Variants in CSGALNACT1 observed in about 807,000 individuals in gnomAD.
The protein encoded by CSGALNACT1 is beta4GalNAcT-1.
In CSGALNACT1, 52 loss-of-function variants were observed where a neutral mutation model predicts 51.0. That is an observed-to-expected ratio of 1.02 (90% confidence interval 0.82 to 1.29). The LOEUF (loss-of-function observed/expected upper bound fraction) is 1.29. CSGALNACT1 is among the 50% of genes most tolerant of loss of function. The pLI, the probability that CSGALNACT1 is intolerant of heterozygous loss-of-function variation, is 0.00. For synonymous variants in CSGALNACT1, 341 were observed against 254.4 expected (o/e 1.34, Z -3.24); for missense variants, 935 against 679.2 (o/e 1.38, Z -4.19).
chr8:19,529,261 T>C (rs1007092823), intron 3 of CSGALNACT1, among the ~76,000 whole-genome samples: 1 of 152,136 alleles, frequency 6.6e-6, no homozygotes, highest in Non-Finnish European at 1.5e-5. Flanking sequence ...TGCAGAAATT[T>C]TTCCAGAAGT....
At chr8:19,464,705 G>A (rs897562140) in intron 4 of CSGALNACT1, among the ~76,000 whole-genome samples, 6 of 152,108 alleles carry the variant, frequency 3.9e-5, no homozygotes, top group Non-Finnish European at 7.3e-5. Context: ...GATGTAGGGC[G>A]TATGCTCCTT....
intron 1 of CSGALNACT1, among the ~76,000 whole-genome samples, chr8:19,744,310 G>A (rs184612245): frequency 3.2e-4 from 48 of 152,300 alleles, no homozygotes; most frequent in African/African-American, 1.0e-3. Flanking sequence ...CTCATGCTCA[G>A]CGGACCACAG....
At chr8:19,563,968 C>T (rs769745414) in intron 3 of CSGALNACT1, among the ~76,000 whole-genome samples, 2 of 152,022 alleles carry the variant, frequency 1.3e-5, no homozygotes, top group African/African-American at 2.4e-5. Flanking sequence ...TGAAGCTGGA[C>T]GTTCTGTCTC....
chr8:19,455,008 C>A (rs997107179), intron 5 of CSGALNACT1, among the ~76,000 whole-genome samples: 1 of 152,124 alleles, frequency 6.6e-6, no homozygotes, highest in Admixed American at 6.5e-5. Context: ...TCATGTTGCA[C>A]TGACTTATTC....
chr8:19,438,400 G>A lies in CSGALNACT1; in HGVS notation c.953+1430C>T, dbSNP rs529087396. Among the ~76,000 whole-genome samples, 28 of 152,300 alleles carry A rather than the reference G, an allele frequency of 1.8e-4. No individual in the cohort carries two copies. In the East Asian group the frequency reaches 3.7e-3, roughly 20 times the overall value. ...TGAATTTATATCATTCATGTTCTTCGTTTCTAAGCAGAGGTGAGAACATTT... is the reference window on the plus strand; with the variant it reads ...TGAATTTATATCATTCATGTTCTTCATTTCTAAGCAGAGGTGAGAACATTT... On this transcript the variant is annotated intron_variant, in intron 6 of 9. Transcript: ENST00000454498.
chr8:19,703,583 G>A (rs2061995729), intron 1 of CSGALNACT1, among the ~76,000 whole-genome samples: 1 of 152,144 alleles, frequency 6.6e-6, no homozygotes, highest in South Asian at 2.1e-4. Flanking sequence ...GATTACCGGT[G>A]GGTGTGAGCC....
intron 1 of CSGALNACT1, among the ~76,000 whole-genome samples, chr8:19,676,908 T>C (rs2060233982): frequency 6.6e-6 from 1 of 152,154 alleles, no homozygotes; most frequent in Non-Finnish European, 1.5e-5. Context: ...GAAGCCCGAT[T>C]AGAACTGAGA....
At chr8:19,495,519 G>A (rs972153417) in intron 4 of CSGALNACT1, among the ~76,000 whole-genome samples, 9 of 152,110 alleles carry the variant, frequency 5.9e-5, no homozygotes, top group South Asian at 4.1e-4. Context: ...ATGACACCTC[G>A]CAGGGATCAG....
At chr8:19,666,749 CAAGAAAGAAAGAAGAAAGAAAGAAAGA>C (rs2059206325) in intron 1 of CSGALNACT1, among the ~76,000 whole-genome samples, 1 of 107,792 alleles carries the variant, frequency 9.3e-6, no homozygotes, top group African/African-American at 3.6e-5. Context: ...ACACAAGAAA[CAAGAAAGAAAGAAGAAAGAAAGAAAGA>C]AAGAAAGAAA....
In CSGALNACT1 at chr8:19,722,062, T is replaced by C. The variant is rs375374887; in HGVS notation, c.-297+35788A>G. On this transcript the variant is annotated intron_variant, in intron 1 of 1. Coordinates refer to the CSGALNACT1 transcript ENST00000517494. ...TTTTCTGTGATTTAAAACTGATTAA[T>C]TCATGTTGGTTTAAATTCAATAGAA... is the stretch of plus-strand genomic sequence containing the variant. 1.6e-3 allele frequency among the ~76,000 whole-genome samples: 242 copies of C among 152,326 alleles called. 1 individual carries two copies. The highest frequency in any genetic ancestry group is 5.6e-3 in the African/African-American group (232 of 41,576).
intron 6 of CSGALNACT1, among the ~76,000 whole-genome samples, chr8:19,425,258 T>C (rs983783120): frequency 4.6e-5 from 7 of 152,126 alleles, no homozygotes; most frequent in Non-Finnish European, 1.0e-4. Context: ...GGAGAATCGC[T>C]TGAATCTGGG....
intron 1 of CSGALNACT1, among the ~76,000 whole-genome samples, chr8:19,744,685 G>T (rs1427419296): frequency 6.6e-6 from 1 of 152,200 alleles, no homozygotes; most frequent in African/African-American, 2.4e-5. Flanking sequence ...TTCTAAAGGT[G>T]AGTTTTCTGT....
chr8:19,528,469 C>G (rs1299961758), intron 3 of CSGALNACT1, among the ~76,000 whole-genome samples: 1 of 152,152 alleles, frequency 6.6e-6, no homozygotes, highest in Non-Finnish European at 1.5e-5. Flanking sequence ...CAACATGTCA[C>G]CCGCAAAATA....
At chr8:19,697,224 T>C (rs1241108423) in intron 1 of CSGALNACT1, among the ~76,000 whole-genome samples, 1 of 150,084 alleles carries the variant, frequency 6.7e-6, no homozygotes, top group Non-Finnish European at 1.5e-5. Context: ...AGAGGAAAAA[T>C]GGTAGTGAAG....
Position 19,420,326 on chromosome 8 carries a change from G to T in CSGALNACT1, c.1132+14C>A, listed in dbSNP as rs1179128717. The T allele has an allele frequency of 6.2e-7, 1 of 1,613,880 alleles. No homozygotes were observed. Among genetic ancestry groups the T allele is most frequent in the Non-Finnish European group, 8.5e-7 (1 of 1,179,782 alleles). On this transcript the variant is annotated intron_variant, in intron 7 of 9. Transcript: ENST00000454498. ...CTGGGGGCCACCTGAGCGTGACAGA[G>T]AGATGATCCATACCTGGCTGTGTAT...
At chr8:19,537,465 A>G (rs536209547) in intron 3 of CSGALNACT1, among the ~76,000 whole-genome samples, 6 of 152,320 alleles carry the variant, frequency 3.9e-5, no homozygotes, top group African/African-American at 1.4e-4. Flanking sequence ...TTCTCCTTTC[A>G]TAAATATTCA....
At chr8:19,418,142 T>C (rs4391454) in intron 8 of CSGALNACT1, among the ~76,000 whole-genome samples, 71,991 of 151,898 alleles carry the variant, frequency 0.47, 18,357 homozygotes, top group East Asian at 0.83. Context: ...GTGGGAACAG[T>C]GGCATGATGG....
At chr8:19,442,512 T>C (rs1202702992) in intron 5 of CSGALNACT1, among the ~76,000 whole-genome samples, 4 of 144,056 alleles carry the variant, frequency 2.8e-5, no homozygotes, top group East Asian at 2.1e-4. Flanking sequence ...TAGGTGGGAA[T>C]TGAACAATGA....
At chr8:19,680,365 G>C (rs538524495) in intron 1 of CSGALNACT1, among the ~76,000 whole-genome samples, 1 of 152,176 alleles carries the variant, frequency 6.6e-6, no homozygotes, top group Non-Finnish European at 1.5e-5. Context: ...AGACCAGCCT[G>C]GCCAACGTGG....
Sources: allele counts gnomAD v4.1 joint callset (sites outside exome capture counted in the v4.1 genomes callset), GRCh38; gene constraint gnomAD v4.1.1; transcripts MANE v1.5; gene names NCBI Gene and HGNC (gene_info 2026-07-23, HGNC 2026-07-21).